TEX264: variants seen among roughly 807,000 people sequenced by gnomAD.
TEX264 encodes testis expressed 264, ER-phagy receptor.
Under a neutral mutation model 23.4 loss-of-function variants are expected in TEX264, and 13 were observed. That is an observed-to-expected ratio of 0.56 (90% CI 0.36 to 0.88). The LOEUF (loss-of-function observed/expected upper bound fraction) is 0.88, where lower values mean the gene tolerates loss of function less well. Among genes scored for constraint, TEX264 ranks in the 40% least tolerant of loss-of-function variants. The pLI is 0.01. For missense variants in TEX264, 340 were observed against 406.8 expected (o/e 0.84, Z 1.41); for synonymous variants, 159 against 170.0 (o/e 0.94, Z 0.50).
rs1462159978 is a variant in TEX264, at chr3:51,698,024, A to T, written c.481-1382A>T. ...ACTTAGGATGGAAGGCTTTGCCTGG[A>T]TCACCCATGGAGTCAGAGGCTGAGC... On this transcript the variant is annotated intron_variant, in intron 3 of 4. Transcript: ENST00000341333. 2.0e-5 allele frequency among the ~76,000 whole-genome samples: 3 copies of T among 152,122 alleles called. No homozygotes were observed. The East Asian group carries it at 5.8e-4, about 29-fold the overall frequency.
chr3:51,677,288 T>C (rs1380359293), intron 2 of TEX264, among the ~76,000 whole-genome samples: 1 of 152,168 alleles, frequency 6.6e-6, no homozygotes, highest in African/African-American at 2.4e-5. Context: ...GACCTGCCAG[T>C]GTGTGGGTGT....
At chr3:51,692,340 C>G (rs551524735) in intron 3 of TEX264, among the ~76,000 whole-genome samples, 1 of 152,234 alleles carries the variant, frequency 6.6e-6, no homozygotes, top group Non-Finnish European at 1.5e-5. Flanking sequence ...CCCCTCTCCC[C>G]CAAGCAGAAC....
chr3:51,702,849 A>T (rs1703363291), intron 4 of TEX264, among the ~76,000 whole-genome samples: 1 of 152,076 alleles, frequency 6.6e-6, no homozygotes, highest in Non-Finnish European at 1.5e-5. Context: ...TGCTTGGAGG[A>T]TGTATTGGGG....
intron 3 of TEX264, among the ~76,000 whole-genome samples, chr3:51,694,073 TTCCTTCCG>T (rs1343855532): frequency 6.1e-5 from 7 of 113,974 alleles, no homozygotes; most frequent in Non-Finnish European, 1.3e-4. Flanking sequence ...TCCCTTCCCC[TTCCTTCCG>T]TCCGTCCTTC....
chr3:51,678,734 C>T (rs1013799949), intron 2 of TEX264, among the ~76,000 whole-genome samples: 5 of 152,192 alleles, frequency 3.3e-5, no homozygotes, highest in African/African-American at 1.2e-4. Flanking sequence ...ACCACAGCCT[C>T]ACAGAGGCTG....
intron 4 of TEX264, among the ~76,000 whole-genome samples, chr3:51,699,849 A>G (rs905080599): frequency 6.6e-6 from 1 of 152,288 alleles, no homozygotes. Flanking sequence ...CAGATGCAGC[A>G]GGAGTACCCT....
At chr3:51,685,680 G>A (rs554954008) in intron 3 of TEX264, among the ~76,000 whole-genome samples, 1 of 152,350 alleles carries the variant, frequency 6.6e-6, no homozygotes, top group East Asian at 1.9e-4. Context: ...TTGGAGCCAC[G>A]TCTGTACAAG....
rs550308483 is a variant in TEX264 at position 51,676,350 on chromosome 3, T to C, written c.258+1788T>C. ...AAAGGGCTAAGGCAGCAGGGTACCC[T>C]GGGGTCAGTGCTGGAGGCTGGTCTA... On this transcript the variant is annotated intron_variant, in intron 2 of 4. Transcript: ENST00000341333. Among the ~76,000 whole-genome samples the C allele has an allele frequency of 2.0e-5, 3 of 152,296 alleles. No individual in the cohort carries two copies. In the South Asian group the frequency reaches 6.2e-4, roughly 32 times the overall value.
In TEX264 at chr3:51,704,185, C is replaced by G; in HGVS notation, c.*169C>G. 1.8e-6 allele frequency: 1 copy of G among 543,828 alleles called. No individual in the cohort carries two copies. The allele number at this position is 543,828 out of a possible 1,614,324, so 33.7% of individuals were successfully genotyped here. On this transcript the variant is annotated 3_prime_UTR_variant, in exon 5 of 5. Coordinates refer to ENST00000341333, the MANE Select transcript of TEX264 (RefSeq NM_015926.6). ...AGCCTTCTCCTCACTGCCCTTTAGG[C>G]TCCCAGGGCCAGAGGAGCCAGGGAC...
At chr3:51,696,392 G>A (rs1577528998) in intron 3 of TEX264, among the ~76,000 whole-genome samples, 1 of 152,162 alleles carries the variant, frequency 6.6e-6, no homozygotes, top group Non-Finnish European at 1.5e-5. Context: ...AGAGGCAGCT[G>A]GCCTCGCCTT....
In TEX264 at chr3:51,699,515, A is replaced by G; in HGVS notation, c.590A>G (p.Glu197Gly). Reference protein sequence around the residue: ...QGDFYVPEMKETEWKWRGLVE... With the variant: ...QGDFYVPEMKGTEWKWRGLVE... Reference sequence around the variant, plus strand: ...GACTTCTATGTGCCTGAGATGAAGGAGACAGAGTGGAAATGGCGGGGGCTT... The same window carrying G: ...GACTTCTATGTGCCTGAGATGAAGGGGACAGAGTGGAAATGGCGGGGGCTT... Residue 197 changes from glutamate (E) to glycine (G), a missense_variant, in exon 4 of 5, where the codon GAG becomes GGG. Physicochemically the swap from Glu to Gly is moderately conservative, Grantham distance 98. Coordinates refer to ENST00000341333, the MANE Select transcript of TEX264 (RefSeq NM_015926.6). The G allele has an allele frequency of 6.2e-7, 1 of 1,614,074 alleles. No homozygotes were observed. The highest frequency in any genetic ancestry group is 8.5e-7 in the Non-Finnish European group (1 of 1,179,928).
At chr3:51,700,648 A>C (rs1577536655) in intron 4 of TEX264, among the ~76,000 whole-genome samples, 1 of 150,588 alleles carries the variant, frequency 6.6e-6, no homozygotes, top group Admixed American at 6.6e-5. Flanking sequence ...CTTTACTGTG[A>C]CCTCCCTCTG....
At chr3:51,690,486 C>T (rs1702787879) in intron 3 of TEX264, among the ~76,000 whole-genome samples, 1 of 150,410 alleles carries the variant, frequency 6.6e-6, no homozygotes, top group South Asian at 2.1e-4. Flanking sequence ...GAGCTGAGAT[C>T]ACGACACTGC....
intron 3 of TEX264, 32 bp from the exon 4 acceptor site, chr3:51,699,374 G>T (rs1233507477): frequency 3.7e-6 from 6 of 1,609,038 alleles, no homozygotes; most frequent in Non-Finnish European, 5.1e-6. Flanking sequence ...GCCCTGTAGG[G>T]CTCATTCTAC....
chr3:51,673,810 C>T (rs907215505), intron 1 of TEX264, among the ~76,000 whole-genome samples: 1 of 152,186 alleles, frequency 6.6e-6, no homozygotes, highest in Non-Finnish European at 1.5e-5. Flanking sequence ...ATTTGCCAGT[C>T]CTCCCTCTGG....
At chr3:51,695,719 G>C (rs559472150) in intron 3 of TEX264, among the ~76,000 whole-genome samples, 1 of 152,350 alleles carries the variant, frequency 6.6e-6, no homozygotes, top group Non-Finnish European at 1.5e-5. Flanking sequence ...TGAGGTGGGA[G>C]TGTGTGGTGT....
chr3:51,676,256 T>C (rs758810088), intron 2 of TEX264, among the ~76,000 whole-genome samples: 11 of 152,206 alleles, frequency 7.2e-5, no homozygotes, highest in Non-Finnish European at 1.5e-4. Flanking sequence ...TGTCTTCTCA[T>C]TGGCGTGTCT....
intron 2 of TEX264, among the ~76,000 whole-genome samples, chr3:51,676,683 T>C (rs1184416514): frequency 6.6e-6 from 1 of 152,208 alleles, no homozygotes; most frequent in Non-Finnish European, 1.5e-5. Flanking sequence ...TGCTTCATAG[T>C]AGACTGAGAA....
In TEX264 at chr3:51,671,736, G is replaced by A. The variant is rs1278596608; in HGVS notation, c.-35+448G>A. The A allele has an allele frequency of 4.6e-5, 7 of 153,006 alleles. No individual in the cohort carries two copies. In the East Asian group the frequency reaches 1.4e-3, roughly 30 times the overall value. 9.5% of individuals were successfully genotyped at this position (153,006 alleles called of 1,614,324 possible). On this transcript the variant is annotated intron_variant, in intron 1 of 4. Transcript: ENST00000341333. ...CCGGGGTGAGCAGGGGCTGGAATCC[G>A]AAAGTGGGAGGCGGCGGCCCCCCAC...
Sources: allele counts gnomAD v4.1 joint callset (sites outside exome capture counted in the v4.1 genomes callset), GRCh38; gene constraint gnomAD v4.1.1; transcripts MANE v1.5; gene names NCBI Gene and HGNC (gene_info 2026-07-23, HGNC 2026-07-21).